GRAMD1B: variants seen among roughly 807,000 people sequenced by gnomAD.
GRAMD1B encodes GRAM domain containing 1B, also known as protein Aster-B.
GRAMD1B carries 37 observed loss-of-function variants against 99.7 expected under a neutral mutation model. The observed-to-expected ratio is 0.37, with a 90% CI of 0.29 to 0.49. The LOEUF (loss-of-function observed/expected upper bound fraction) is 0.49, where lower values mean the gene tolerates loss of function less well. GRAMD1B is among the 20% of genes least tolerant of loss of function. The probability of loss-of-function intolerance (pLI) is 0.98; values close to 1 mark genes in which losing one functional copy is unlikely to be tolerated. For missense variants in GRAMD1B, 888 were observed against 1,009.2 expected (o/e 0.88, Z 1.63); for synonymous variants, 427 against 387.6 (o/e 1.10, Z -1.19).
chr11:123,457,889 A>AC (rs1950232009), intron 1 of GRAMD1B, among the ~76,000 whole-genome samples: 1 of 151,496 alleles, frequency 6.6e-6, no homozygotes, highest in South Asian at 2.1e-4. Context: ...TAATTTCTCC[A>AC]CTTTTTTGTA....
intron 1 of GRAMD1B, among the ~76,000 whole-genome samples, chr11:123,472,716 C>T (rs924421359): frequency 3.9e-5 from 6 of 152,094 alleles, no homozygotes; most frequent in East Asian, 3.9e-4. Flanking sequence ...CCAGGTGTGA[C>T]GTTTACATAG....
chr11:123,409,099 A>G (rs1250086483), intron 1 of GRAMD1B, among the ~76,000 whole-genome samples: 1 of 152,240 alleles, frequency 6.6e-6, no homozygotes, highest in Non-Finnish European at 1.5e-5. Flanking sequence ...GGTAGTAAAA[A>G]GACTTTGACC....
chr11:123,383,029 G>T (rs1184803184), intron 1 of GRAMD1B, among the ~76,000 whole-genome samples: 1 of 152,198 alleles, frequency 6.6e-6, no homozygotes, highest in Admixed American at 6.5e-5. Flanking sequence ...CACAGAGCAA[G>T]ATGGGGCTGT....
intron 1 of GRAMD1B, among the ~76,000 whole-genome samples, chr11:123,444,017 T>C (rs1218685933): frequency 6.6e-6 from 1 of 152,192 alleles, no homozygotes; most frequent in African/African-American, 2.4e-5. Flanking sequence ...AGATGAAGTC[T>C]CCCACATGGC....
At chr11:123,618,376 T>G (rs371570459) in intron 17 of GRAMD1B, 2 of 1,609,892 alleles carry the variant, frequency 1.2e-6, no homozygotes, top group Non-Finnish European at 1.7e-6. Context: ...CTATGATTTC[T>G]CCTTTACCCC....
chr11:123,613,109 TC>T (rs1181572094), intron 15 of GRAMD1B: 1 of 561,432 alleles, frequency 1.8e-6, no homozygotes, highest in East Asian at 2.9e-5. Context: ...AAAACACCCC[TC>T]ACCCCAAAAG....
intron 1 of GRAMD1B, among the ~76,000 whole-genome samples, chr11:123,471,445 A>G (rs926210051): frequency 1.1e-4 from 16 of 152,204 alleles, no homozygotes; most frequent in Non-Finnish European, 2.2e-4. Flanking sequence ...AGTCCCGGGA[A>G]ACATTTTAGG....
At chr11:123,451,421 A>C (rs1949882220) in intron 1 of GRAMD1B, among the ~76,000 whole-genome samples, 1 of 152,210 alleles carries the variant, frequency 6.6e-6, no homozygotes, top group Admixed American at 6.5e-5. Context: ...AGACTCAAAA[A>C]GAGGTTGTGT....
At chr11:123,608,889 T>G in intron 12 of GRAMD1B, 87 bp downstream of exon 12, 1 of 935,460 alleles carries the variant, frequency 1.1e-6, no homozygotes, top group Non-Finnish European at 1.6e-6. Flanking sequence ...CCCTTCCTTA[T>G]TCTTCTTTCC....
rs565393606 is a variant in GRAMD1B at position 123,539,600 on chromosome 11, T to TCAAA, written c.453-37750_453-37747dup. Among the ~76,000 whole-genome samples the TCAAA allele has an allele frequency of 2.7e-3, 409 of 152,116 alleles. 2 individuals carry two copies. The highest frequency in any genetic ancestry group is 9.2e-3 in the African/African-American group (381 of 41,482). Reference sequence around the variant, plus strand: ...CTGGGTGACAGAGAGAGACCCTGTCTCAAACAAACAAACAAACAAAACCCA... The same window carrying TCAAA: ...CTGGGTGACAGAGAGAGACCCTGTCTCAAACAAACAAACAAACAAACAAAACCCA... On this transcript the variant is annotated intron_variant, in intron 2 of 19. Transcript: ENST00000635736.
chr11:123,431,614 G>C (rs925323330), intron 1 of GRAMD1B, among the ~76,000 whole-genome samples: 1 of 152,216 alleles, frequency 6.6e-6, no homozygotes, highest in Non-Finnish European at 1.5e-5. Context: ...CCAGAGAACA[G>C]TTAAGTGGTT....
At position 123,625,973 on chromosome 11, in the gene GRAMD1B, A is replaced by AGAGAGAGAGAGAGAGAGAGAGATC. The variant is rs34697633; in HGVS notation, c.*3386_*3387insGAGAGAGAGAGAGATCGAGAGAGA. On this transcript the variant is annotated 3_prime_UTR_variant, in exon 20 of 20. Coordinates refer to ENST00000635736, the MANE Select transcript of GRAMD1B (RefSeq NM_001387025.1). ...GAGAGAGAGAGAGAGAGAGAGAGAGAGAGAGAGATCGAGCTTGATGTATTG... is the reference window on the plus strand; with the variant it reads ...GAGAGAGAGAGAGAGAGAGAGAGAGAGAGAGAGAGAGAGAGAGAGAGATCGAGAGAGATCGAGCTTGATGTATTG... The AGAGAGAGAGAGAGAGAGAGAGATC allele has an allele frequency of 1.2e-3, 162 of 139,762 alleles. No homozygotes were observed. Among genetic ancestry groups the AGAGAGAGAGAGAGAGAGAGAGATC allele is most frequent in the Non-Finnish European group, 1.6e-3 (100 of 63,870 alleles). The allele number at this position is 139,762 out of a possible 1,614,324, so 8.7% of individuals were successfully genotyped here.
At chr11:123,546,528 G>A (rs868284084) in intron 2 of GRAMD1B, among the ~76,000 whole-genome samples, 3 of 152,182 alleles carry the variant, frequency 2.0e-5, no homozygotes, top group South Asian at 4.1e-4. Flanking sequence ...GTATGTGGAG[G>A]TTGGGAGAGA....
At chr11:123,507,531 A>G (rs1334713185) in intron 2 of GRAMD1B, among the ~76,000 whole-genome samples, 1 of 152,220 alleles carries the variant, frequency 6.6e-6, no homozygotes, top group Non-Finnish European at 1.5e-5. Context: ...TTCCTCTAAC[A>G]GGATGTGTGC....
rs767122380 is a variant in GRAMD1B at position 123,619,368 on chromosome 11, C to T, written c.2544+144C>T. On this transcript the variant is annotated intron_variant, in intron 19 of 19. Coordinates refer to ENST00000635736, the MANE Select transcript of GRAMD1B (RefSeq NM_001387025.1). ...TTCTTCCTCCAGGCCATGCATTGTTCTAAATGGAAAGCCTTCCTTGAGTGG... is the reference window on the plus strand; with the variant it reads ...TTCTTCCTCCAGGCCATGCATTGTTTTAAATGGAAAGCCTTCCTTGAGTGG... 36 of 1,515,876 alleles carry T rather than the reference C, an allele frequency of 2.4e-5. No homozygotes were observed. The South Asian group carries it at 4.1e-4, about 17-fold the overall frequency. 93.9% of individuals were successfully genotyped at this position (1,515,876 alleles called of 1,614,324 possible).
chr11:123,590,569 C>G (rs1338420012), intron 4 of GRAMD1B, among the ~76,000 whole-genome samples: 2 of 152,192 alleles, frequency 1.3e-5, no homozygotes, highest in African/African-American at 4.8e-5. Flanking sequence ...TAGGGCCCAG[C>G]TCTTCCCACC....
intron 3 of GRAMD1B, 83 bp downstream of exon 3, chr11:123,577,660 G>T (rs1246920705): frequency 9.6e-7 from 1 of 1,038,440 alleles, no homozygotes; most frequent in African/African-American, 1.6e-5. Flanking sequence ...GAGAACATCT[G>T]CGAGGGTCCT....
At chr11:123,577,758 C>T (rs1017307671) in intron 3 of GRAMD1B, among the ~76,000 whole-genome samples, 181 bp downstream of exon 3, 2 of 151,754 alleles carry the variant, frequency 1.3e-5, no homozygotes, top group Non-Finnish European at 2.9e-5. Flanking sequence ...AGTTAAATAT[C>T]TTCCCCGCTA....
chr11:123,504,027 CTG>C (rs1940165383), intron 2 of GRAMD1B, among the ~76,000 whole-genome samples: 1 of 152,164 alleles, frequency 6.6e-6, no homozygotes, highest in Non-Finnish European at 1.5e-5. Flanking sequence ...GGAAATTTGA[CTG>C]TAGACTTCAA....
Sources: gnomAD v4.1 joint callset for allele counts (sites outside exome capture counted in the v4.1 genomes callset) on GRCh38, gnomAD v4.1.1 for gene constraint, MANE v1.5 for transcripts, NCBI Gene and HGNC (gene_info 2026-07-23, HGNC 2026-07-21) for gene names.